The following CSTPP1 variants were observed in gnomAD, a reference collection of about 807,000 sequenced individuals.
CSTPP1 encodes UPF0705 protein C11orf49.
At chr11:47,108,212 C>G in the CSTPP1 span, among the ~76,000 whole-genome samples, 2 of 152,218 alleles carry the variant, frequency 1.3e-5, no homozygotes, top group Non-Finnish European at 2.9e-5. Flanking sequence ...GGTCATATAT[C>G]TGAGGTTAGA....
the CSTPP1 span, among the ~76,000 whole-genome samples, chr11:47,029,084 A>G: frequency 1.3e-5 from 2 of 151,888 alleles, no homozygotes; most frequent in Non-Finnish European, 2.9e-5. Flanking sequence ...GGCACAAGCA[A>G]TTCATCTGCC....
At chr11:47,013,984 T>A in the CSTPP1 span, among the ~76,000 whole-genome samples, 2 of 152,162 alleles carry the variant, frequency 1.3e-5, no homozygotes, top group Non-Finnish European at 2.9e-5. Flanking sequence ...GGTGGGTGGA[T>A]TGTTTGAGCC....
the CSTPP1 span, among the ~76,000 whole-genome samples, chr11:47,156,462 T>G: frequency 6.6e-6 from 1 of 152,218 alleles, no homozygotes; most frequent in East Asian, 1.9e-4. Context: ...AATGACTGAC[T>G]CATCAGCAGC....
chr11:47,023,910 G>C, the CSTPP1 span, among the ~76,000 whole-genome samples: 2 of 151,872 alleles, frequency 1.3e-5, no homozygotes, highest in Non-Finnish European at 2.9e-5. Context: ...TGTGAACATG[G>C]GTGTATATAT....
chr11:46,964,536 C>T, the CSTPP1 span, among the ~76,000 whole-genome samples: 4 of 152,150 alleles, frequency 2.6e-5, no homozygotes, highest in Admixed American at 6.5e-5. Flanking sequence ...CCGCCCGCCT[C>T]GGCCCCCCAG....
At chr11:46,957,546 G>A in the CSTPP1 span, among the ~76,000 whole-genome samples, 5 of 152,214 alleles carry the variant, frequency 3.3e-5, no homozygotes, top group Non-Finnish European at 5.9e-5. Flanking sequence ...TTAGCTTTCT[G>A]TATTGCTATT....
the CSTPP1 span, among the ~76,000 whole-genome samples, chr11:46,967,282 T>C: frequency 5.6e-3 from 846 of 152,330 alleles, 14 homozygotes; most frequent in African/African-American, 0.019. Flanking sequence ...GAGTTGTATA[T>C]GAATATCGAA....
the CSTPP1 span, among the ~76,000 whole-genome samples, chr11:46,989,979 A>G: frequency 6.6e-6 from 1 of 152,114 alleles, no homozygotes; most frequent in Non-Finnish European, 1.5e-5. Context: ...ACATGATTTC[A>G]TTCTTTTTTA....
chr11:47,136,368 C>T, the CSTPP1 span, among the ~76,000 whole-genome samples: 1 of 152,250 alleles, frequency 6.6e-6, no homozygotes, highest in South Asian at 2.1e-4. Context: ...AGGCTGTGCC[C>T]GAGGTCAGGC....
At chr11:47,073,031 G>A in the CSTPP1 span, among the ~76,000 whole-genome samples, 2 of 151,952 alleles carry the variant, frequency 1.3e-5, no homozygotes, top group African/African-American at 2.4e-5. Flanking sequence ...TTACTGAAAT[G>A]TTGTGAATGA....
the CSTPP1 span, among the ~76,000 whole-genome samples, chr11:46,968,853 C>G: frequency 6.6e-6 from 1 of 150,470 alleles, no homozygotes; most frequent in East Asian, 1.9e-4. Flanking sequence ...GAGCCGAGAT[C>G]GTGCCACTGC....
At chr11:47,001,508 G>A in the CSTPP1 span, among the ~76,000 whole-genome samples, 9 of 148,096 alleles carry the variant, frequency 6.1e-5, no homozygotes, top group African/African-American at 1.2e-4. Context: ...GTGCATACCC[G>A]TTTTTTTTTT....
the CSTPP1 span, among the ~76,000 whole-genome samples, chr11:46,960,073 G>T: frequency 6.6e-6 from 1 of 152,020 alleles, no homozygotes; most frequent in Non-Finnish European, 1.5e-5. Context: ...CACCATGCTG[G>T]CCAGGCTGGT....
At chr11:47,045,378 C>T in the CSTPP1 span, among the ~76,000 whole-genome samples, 1 of 152,224 alleles carries the variant, frequency 6.6e-6, no homozygotes, top group Non-Finnish European at 1.5e-5. Flanking sequence ...TCAGCAACCT[C>T]ATTTGTGGGG....
chr11:47,119,002 AG>A, the CSTPP1 span, among the ~76,000 whole-genome samples: 12 of 152,382 alleles, frequency 7.9e-5, no homozygotes, highest in Admixed American at 5.9e-4. Context: ...GCTGTCAGAC[AG>A]GGACGTTTAA....
the CSTPP1 span, among the ~76,000 whole-genome samples, chr11:47,066,989 T>G: frequency 6.6e-6 from 1 of 152,224 alleles, no homozygotes; most frequent in Non-Finnish European, 1.5e-5. Flanking sequence ...TAGCCTATGA[T>G]GAAATTGGTT....
chr11:47,112,786 C>A, the CSTPP1 span, among the ~76,000 whole-genome samples: 1 of 152,136 alleles, frequency 6.6e-6, no homozygotes, highest in Non-Finnish European at 1.5e-5. Context: ...AGTCAGTGAA[C>A]TTTGTCCCCT....
At chr11:47,040,088 T>C in the CSTPP1 span, among the ~76,000 whole-genome samples, 1 of 128,638 alleles carries the variant, frequency 7.8e-6, no homozygotes, top group South Asian at 2.5e-4. Context: ...GATGCTGCTC[T>C]AACTAAAGAA....
At chr11:47,098,339 A>AT in the CSTPP1 span, among the ~76,000 whole-genome samples, 7 of 150,456 alleles carry the variant, frequency 4.7e-5, no homozygotes, top group South Asian at 1.0e-3. Flanking sequence ...AAATAAATAA[A>AT]AAATAAAAAA....
Sources: gnomAD v4.1 joint callset for allele counts (sites outside exome capture counted in the v4.1 genomes callset) on GRCh38, gnomAD v4.1.1 for gene constraint, MANE v1.5 for transcripts, NCBI Gene and HGNC (gene_info 2026-07-23, HGNC 2026-07-21) for gene names.